Variants in CACNA2D4 observed in about 807,000 individuals in gnomAD.
The protein encoded by CACNA2D4 is calcium voltage-gated channel auxiliary subunit alpha2delta 4.
In CACNA2D4, 157 loss-of-function variants were observed where a neutral mutation model predicts 163.8. The ratio of observed to expected loss-of-function variants is 0.96; its 90% CI spans 0.84 to 1.09. The LOEUF (loss-of-function observed/expected upper bound fraction) is 1.09, where lower values mean the gene tolerates loss of function less well. Among genes scored for constraint, CACNA2D4 ranks in the 50% least tolerant of loss-of-function variants. The pLI, the probability that CACNA2D4 is intolerant of heterozygous loss-of-function variation, is 0.00. For missense variants in CACNA2D4, 1,410 were observed against 1,479.9 expected (o/e 0.95, Z 0.78); for synonymous variants, 598 against 586.9 (o/e 1.02, Z -0.27).
At chr12:1,846,537 C>T in intron 24 of CACNA2D4, 57 bp downstream of exon 24, 2 of 1,394,922 alleles carry the variant, frequency 1.4e-6, no homozygotes, top group Middle Eastern at 1.8e-4. Flanking sequence ...CACCATGGGA[C>T]TCTGGCCCTC....
chr12:1,824,785 G>C (rs1277450932), intron 26 of CACNA2D4, among the ~76,000 whole-genome samples: 1 of 152,192 alleles, frequency 6.6e-6, no homozygotes, highest in Non-Finnish European at 1.5e-5. Context: ...TTGGATGGAG[G>C]CGTGTTGGTA....
chr12:1,888,328 C>T (rs920535246), intron 6 of CACNA2D4, among the ~76,000 whole-genome samples: 8 of 152,246 alleles, frequency 5.3e-5, no homozygotes, highest in East Asian at 3.9e-4. Flanking sequence ...GAAACAGAAG[C>T]GAATTTTCTT....
At chr12:1,846,819 T>C (rs1178501026) in intron 23 of CACNA2D4, 130 bp from the exon 24 acceptor site, 1 of 755,334 alleles carries the variant, frequency 1.3e-6, no homozygotes, top group Non-Finnish European at 2.3e-6. Context: ...CCAGGAAGGC[T>C]GGGTTCCTGG....
At position 1,821,476 on chromosome 12, in the gene CACNA2D4, C is replaced by T. The variant is rs191978682; in HGVS notation, c.2552-9753G>A. 9.9e-3 allele frequency among the ~76,000 whole-genome samples: 1,503 copies of T among 152,294 alleles called. 28 individuals are homozygous for T. The highest frequency in any genetic ancestry group is 0.034 in the African/African-American group (1,423 of 41,556). On this transcript the variant is annotated intron_variant, in intron 26 of 37. Transcript: ENST00000382722. Reference sequence around the variant, plus strand: ...GGGAGTGGGCAGGAGAGAGAAGTATCGCAGCCCTTCCCTGCTAGCCCAAGG... The same window carrying T: ...GGGAGTGGGCAGGAGAGAGAAGTATTGCAGCCCTTCCCTGCTAGCCCAAGG...
At chr12:1,912,414 C>G (rs1299984708) in intron 3 of CACNA2D4, among the ~76,000 whole-genome samples, 2 of 152,236 alleles carry the variant, frequency 1.3e-5, no homozygotes, top group African/African-American at 4.8e-5. Context: ...CTCCTGGGCC[C>G]CACCAGGCTT....
intron 18 of CACNA2D4, among the ~76,000 whole-genome samples, chr12:1,868,339 C>T (rs189284492): frequency 1.4e-3 from 215 of 152,038 alleles, no homozygotes; most frequent in Middle Eastern, 6.8e-3. Context: ...CATTATGCTA[C>T]GTGAAATTAG....
Position 1,793,693 on chromosome 12 carries a change from C to T in CACNA2D4, c.3376G>A (p.Val1126Met), listed in dbSNP as rs367664837. ...TGGGGCAGTAGCCCCCAGGCACACA[C>T]AGGCAGCAGGAGTAGGGGCGGCGAG... Reference protein sequence around the residue: ...SASPPLLLLPVCAWGLLPQLL... With the variant: ...SASPPLLLLPMCAWGLLPQLL... Residue 1126 changes from valine to methionine, a missense_variant, in exon 38 of 38, where the codon GTG becomes ATG. Physicochemically the swap from Val to Met is conservative, Grantham distance 21 (BLOSUM62 1). Transcript: ENST00000382722. 6.2e-7 allele frequency: 1 copy of T among 1,613,810 alleles called. No individual in the cohort carries two copies. Among genetic ancestry groups the T allele is most frequent in the African/African-American group, 1.3e-5 (1 of 75,070 alleles).
intron 3 of CACNA2D4, 76 bp from the exon 4 acceptor site, chr12:1,910,041 C>T: frequency 2.4e-6 from 3 of 1,241,274 alleles, no homozygotes; most frequent in Non-Finnish European, 3.5e-6. Context: ...GAAACAGTTG[C>T]CGGGTGACCC....
chr12:1,826,096 G>T (rs1260874992), intron 26 of CACNA2D4, among the ~76,000 whole-genome samples: 1 of 152,114 alleles, frequency 6.6e-6, no homozygotes, highest in Non-Finnish European at 1.5e-5. Context: ...GGGGAGGTTG[G>T]TGGGATCGGG....
At chr12:1,870,868 T>G (rs1453895834) in intron 18 of CACNA2D4, among the ~76,000 whole-genome samples, 1 of 152,022 alleles carries the variant, frequency 6.6e-6, no homozygotes, top group Non-Finnish European at 1.5e-5. Context: ...TTTAATACAC[T>G]GACTCCTTCT....
In CACNA2D4 at chr12:1,911,317, A is replaced by T. The variant is rs77200913; in HGVS notation, c.427-1352T>A. Among the ~76,000 whole-genome samples the T allele has an allele frequency of 3.3e-5, 5 of 151,374 alleles. No homozygotes were observed. The East Asian group carries it at 7.8e-4, about 23-fold the overall frequency. The stretch of plus-strand genomic sequence containing the variant: ...CACGTGAGCCACCGTGCCTGGCACA[A>T]TTTTTTTTTCTTTTTTTCTAAAGAG... On this transcript the variant is annotated intron_variant, in intron 3 of 37. Transcript: ENST00000382722.
intron 1 of CACNA2D4, 40 bp from the exon 2 acceptor site, chr12:1,914,975 C>T (rs764072138): frequency 3.5e-6 from 5 of 1,417,896 alleles, no homozygotes; most frequent in Non-Finnish European, 4.0e-6. Context: ...CACACACGTA[C>T]ACGCACAAAT....
At chr12:1,891,804 G>A (rs927319482) in intron 6 of CACNA2D4, among the ~76,000 whole-genome samples, 5 of 151,940 alleles carry the variant, frequency 3.3e-5, no homozygotes, top group East Asian at 1.9e-4. Context: ...ATTTGTAAAC[G>A]TTAACAATAG....
chr12:1,829,715 C>T lies in CACNA2D4; in HGVS notation c.2551+11024G>A, dbSNP rs916246809. ...TCGGCCCACCCCGACCTGGGACAGC[C>T]AGGTCCCAGGTCCCATGTCAGGGTG... is the stretch of plus-strand genomic sequence containing the variant. On this transcript the variant is annotated intron_variant, in intron 26 of 37. Transcript: ENST00000382722. This position sits in a 1 kb window ranked among gnomAD's most constrained non-coding sequence, Gnocchi z 4.2. Among the ~76,000 whole-genome samples the T allele has an allele frequency of 2.0e-5, 3 of 148,736 alleles. No homozygotes were observed. The South Asian group carries it at 6.4e-4, about 32-fold the overall frequency.
At position 1,887,017 on chromosome 12, in the gene CACNA2D4, G is replaced by A. The variant is rs1866163507; in HGVS notation, c.834C>T (p.Asn278=). The A allele has an allele frequency of 1.3e-6, 2 of 1,590,150 alleles. No individual in the cohort carries two copies. The highest frequency in any genetic ancestry group is 1.1e-5 in the South Asian group (1 of 88,236). Reference sequence around the variant, plus strand: ...CCCCTGTGAGCTCTTACCAGCCGCGGTTTCGGCAGTCAAAAGTAATGACTC... The same window carrying A: ...CCCCTGTGAGCTCTTACCAGCCGCGATTTCGGCAGTCAAAAGTAATGACTC... The part of the protein sequence containing the change: ...ENGVITFDCR[N]RGWYIQAATS... The change falls in exon 7 of 38, where the codon AAC becomes AAT. Residue 278 remains asparagine, a synonymous_variant. Transcript: ENST00000382722.
chr12:1,872,273 C>T (rs991081025), intron 18 of CACNA2D4, among the ~76,000 whole-genome samples: 1 of 152,162 alleles, frequency 6.6e-6, no homozygotes, highest in African/African-American at 2.4e-5. Context: ...CTGTCTGCTT[C>T]TCTTACTCGT....
chr12:1,818,937 A>G (rs1203916114), intron 26 of CACNA2D4, among the ~76,000 whole-genome samples: 16 of 150,404 alleles, frequency 1.1e-4, no homozygotes, highest in Non-Finnish European at 1.9e-4. Context: ...CTATTGTCCT[A>G]TGACCCTGCC....
chr12:1,877,415 C>G (rs887468147), intron 16 of CACNA2D4, among the ~76,000 whole-genome samples: 1 of 152,174 alleles, frequency 6.6e-6, no homozygotes, highest in Admixed American at 6.5e-5. Context: ...CCCAGCAGAG[C>G]CTGATTTGGA....
chr12:1,866,043 T>G (rs1865644748), intron 18 of CACNA2D4, among the ~76,000 whole-genome samples: 1 of 152,210 alleles, frequency 6.6e-6, no homozygotes, highest in African/African-American at 2.4e-5. Context: ...GGACCTACAG[T>G]GCAAGGCTGA....
Sources: allele counts gnomAD v4.1 joint callset (sites outside exome capture counted in the v4.1 genomes callset), GRCh38; gene constraint gnomAD v4.1.1; non-coding constraint Gnocchi (gnomAD v3.1); transcripts MANE v1.5; gene names NCBI Gene and HGNC (gene_info 2026-07-23, HGNC 2026-07-21).